Variants in ARSG observed in about 807,000 individuals in gnomAD.
The protein encoded by ARSG is arylsulfatase G.
Under a neutral mutation model 50.5 loss-of-function variants are expected in ARSG, and 37 were observed. That is an observed-to-expected ratio of 0.73 (90% CI 0.56 to 0.96). ARSG has a LOEUF of 0.96. ARSG is among the 50% of genes least tolerant of loss of function. ARSG has a pLI of 0.00. For missense variants in ARSG, 629 were observed against 675.3 expected, an observed-to-expected ratio of 0.93 and a Z score of 0.76; for synonymous variants, 225 against 254.6, an observed-to-expected ratio of 0.88 and a Z score of 1.11.
chr17:68,439,281 T>C, the ARSG span, among the ~76,000 whole-genome samples: 1 of 152,184 alleles, frequency 6.6e-6, no homozygotes. Context: ...ATTTTTATAA[T>C]AGAATATTAT....
At chr17:68,429,724 G>A in the ARSG span, among the ~76,000 whole-genome samples, 6 of 152,232 alleles carry the variant, frequency 3.9e-5, no homozygotes, top group Middle Eastern at 6.8e-3. Flanking sequence ...AAGTAGCTGG[G>A]ACTACAGGCA....
At chr17:68,308,724 G>T (rs904719553) in intron 2 of ARSG, among the ~76,000 whole-genome samples, 1 of 152,226 alleles carries the variant, frequency 6.6e-6, no homozygotes, top group Non-Finnish European at 1.5e-5. Flanking sequence ...TTTTGACAGG[G>T]TGCTGATTGG....
chr17:68,438,261 T>C, the ARSG span, among the ~76,000 whole-genome samples: 1 of 139,538 alleles, frequency 7.2e-6, no homozygotes, highest in African/African-American at 2.6e-5. Flanking sequence ...TGCCACCCCT[T>C]TGGCGATACA....
rs1218168847 is a variant in ARSG, at chr17:68,392,626, A to T, written c.1092-2447A>T. On this transcript the variant is annotated intron_variant, in intron 9 of 11. Transcript: ENST00000621439. ...GCCATTCACCTGCCTCAGCCTCCCAAGTAGCTGGGATTACAGGCGTGTGCC... is the reference window on the plus strand; with the variant it reads ...GCCATTCACCTGCCTCAGCCTCCCATGTAGCTGGGATTACAGGCGTGTGCC... Among the ~76,000 whole-genome samples the T allele has an allele frequency of 3.3e-5, 5 of 152,260 alleles. No homozygotes were observed. The East Asian group carries it at 9.7e-4, about 29-fold the overall frequency.
At chr17:68,371,675 C>T (rs2079853834) in intron 8 of ARSG, among the ~76,000 whole-genome samples, 1 of 152,126 alleles carries the variant, frequency 6.6e-6, no homozygotes, top group Admixed American at 6.5e-5. Flanking sequence ...GGCACATGCT[C>T]AATGACATAC....
chr17:68,418,377 A>G (rs2082526485), intron 11 of ARSG, among the ~76,000 whole-genome samples: 1 of 152,228 alleles, frequency 6.6e-6, no homozygotes, highest in African/African-American at 2.4e-5. Flanking sequence ...CTGTTTGTCA[A>G]AGCTCATGTC....
chr17:68,295,267 G>T (rs1469145253), intron 1 of ARSG, among the ~76,000 whole-genome samples: 10 of 152,046 alleles, frequency 6.6e-5, no homozygotes, highest in Non-Finnish European at 1.5e-4. Flanking sequence ...GGACAGTGAG[G>T]TCACCTTCCC....
chr17:68,290,718 G>T (rs1287569285), upstream of ARSG, among the ~76,000 whole-genome samples: 3 of 152,262 alleles, frequency 2.0e-5, no homozygotes, highest in Non-Finnish European at 4.4e-5. Context: ...ACTTCATGCG[G>T]AAAATCCGCG....
At chr17:68,361,944 A>G (rs534722527) in intron 6 of ARSG, among the ~76,000 whole-genome samples, 1 of 152,112 alleles carries the variant, frequency 6.6e-6, no homozygotes, top group Non-Finnish European at 1.5e-5. Context: ...AAACAAACAA[A>G]AACAACAACA....
intron 1 of ARSG, among the ~76,000 whole-genome samples, chr17:68,260,098 G>A (rs1472420232): frequency 7.2e-5 from 11 of 152,142 alleles, no homozygotes; most frequent in Admixed American, 7.2e-4. Flanking sequence ...CAAGGGCCTG[G>A]TATTGTCTTC....
chr17:68,321,550 C>T lies in ARSG; in HGVS notation c.218+13839C>T, dbSNP rs560635671. Among the ~76,000 whole-genome samples the T allele has an allele frequency of 3.9e-5, 6 of 152,286 alleles. No homozygotes were observed. The East Asian group carries it at 1.2e-3, about 29-fold the overall frequency. On this transcript the variant is annotated intron_variant, in intron 2 of 11. Coordinates refer to ENST00000621439, the MANE Select transcript of ARSG (RefSeq NM_001267727.2). ...AATGGAACAAGGACAGTTTTTATTCCAGTCAGAGTTGCCACAGAACACCCC... is the reference window on the plus strand; with the variant it reads ...AATGGAACAAGGACAGTTTTTATTCTAGTCAGAGTTGCCACAGAACACCCC...
At chr17:68,415,908 T>C (rs2082336160) in intron 11 of ARSG, among the ~76,000 whole-genome samples, 1 of 152,232 alleles carries the variant, frequency 6.6e-6, no homozygotes, top group African/African-American at 2.4e-5. Flanking sequence ...ATGCGAGTCC[T>C]TATATGTTAG....
chr17:68,361,121 G>A (rs981282898), intron 6 of ARSG, among the ~76,000 whole-genome samples: 2 of 151,986 alleles, frequency 1.3e-5, no homozygotes, highest in Middle Eastern at 3.2e-3. Flanking sequence ...TACCGTGCCC[G>A]GCCTGAAATC....
intron 5 of ARSG, among the ~76,000 whole-genome samples, chr17:68,353,954 G>A (rs2078915185): frequency 6.6e-6 from 1 of 150,952 alleles, no homozygotes; most frequent in South Asian, 2.1e-4. Flanking sequence ...TGCCTACCTC[G>A]GCTTCCCGAA....
In ARSG at chr17:68,351,587, AC is replaced by A; in HGVS notation, c.468del (p.Phe157LeufsTer58). Reference sequence around the variant, plus strand: ...GCTTCTATTCCAGGTTTTGATTACTACTTTGGAATCCCATATAGCCATGATA... The same window carrying A: ...GCTTCTATTCCAGGTTTTGATTACTATTTGGAATCCCATATAGCCATGATA... ...YHPNFRGFDYYFGIPYSHDMG... is the reference protein window; with the variant it reads ...YHPNFRGFDYXFGIPYSHDMG... On this transcript the variant is annotated frameshift_variant, in exon 5 of 12. Transcript: ENST00000621439. LOFTEE classifies it high-confidence loss of function. 2 of 1,611,280 alleles carry A rather than the reference AC, an allele frequency of 1.2e-6. No homozygotes were observed. Among genetic ancestry groups the A allele is most frequent in the Non-Finnish European group, 1.7e-6 (2 of 1,177,524 alleles).
At chr17:68,268,820 C>G (rs2075234258) in intron 1 of ARSG, 1 of 450,240 alleles carries the variant, frequency 2.2e-6, no homozygotes, top group Non-Finnish European at 3.9e-6. Flanking sequence ...TTCTACATAT[C>G]TCTTGTATTG....
At chr17:68,435,802 C>A in the ARSG span, 15 of 1,171,826 alleles carry the variant, frequency 1.3e-5, no homozygotes, top group Non-Finnish European at 1.6e-5. Flanking sequence ...CTCCTTTCTC[C>A]CTCCTTTGTC....
the ARSG span, among the ~76,000 whole-genome samples, chr17:68,438,464 T>C: frequency 6.6e-6 from 1 of 152,228 alleles, no homozygotes; most frequent in Non-Finnish European, 1.5e-5. Context: ...GGTTGTCTTG[T>C]GTGCTGGGTT....
the ARSG span, chr17:68,436,466 G>A: frequency 6.2e-7 from 1 of 1,613,928 alleles, no homozygotes. Context: ...GGTTGATAGA[G>A]AGAGCACATA....
Sources: allele counts gnomAD v4.1 joint callset (sites outside exome capture counted in the v4.1 genomes callset), GRCh38; gene constraint gnomAD v4.1.1; transcripts MANE v1.5; gene names NCBI Gene and HGNC (gene_info 2026-07-23, HGNC 2026-07-21).